The following GLIPR1L1 variants were observed in gnomAD, a reference collection of about 807,000 sequenced individuals.
GLIPR1L1 encodes the protein GLIPR1-like protein 1.
In GLIPR1L1, 26 loss-of-function variants were observed where a neutral mutation model predicts 29.9. The ratio of observed to expected loss-of-function variants is 0.87; its 90% CI spans 0.64 to 1.21. GLIPR1L1 has a LOEUF of 1.21. Among genes scored for constraint, GLIPR1L1 ranks in the 50% most tolerant of loss-of-function variants. The pLI, the probability that GLIPR1L1 is intolerant of heterozygous loss-of-function variation, is 0.00. For synonymous variants in GLIPR1L1, 77 were observed against 97.5 expected (o/e 0.79, Z 1.24); for missense variants, 305 against 290.3 (o/e 1.05, Z -0.37).
Position 75,350,980 on chromosome 12 carries a change from T to C in GLIPR1L1, c.521+3258T>C, listed in dbSNP as rs544819670. Among the ~76,000 whole-genome samples, 23 of 152,286 alleles carry C rather than the reference T, an allele frequency of 1.5e-4. No individual in the cohort carries two copies. The South Asian group carries it at 4.6e-3, about 30-fold the overall frequency. ...ATATTACAGGAGCTGTTAACCAGAA[T>C]AACCAGTTTAGAGAGGAACATAAAT... On this transcript the variant is annotated intron_variant, in intron 3 of 5. Coordinates refer to ENST00000378695, the MANE Select transcript of GLIPR1L1 (RefSeq NM_001304964.2).
intron 4 of GLIPR1L1, among the ~76,000 whole-genome samples, chr12:75,367,457 C>T (rs911655637): frequency 6.6e-6 from 1 of 151,984 alleles, no homozygotes; most frequent in Non-Finnish European, 1.5e-5. Context: ...CGAATACACA[C>T]ATTAGCCTAG....
intron 2 of GLIPR1L1, among the ~76,000 whole-genome samples, chr12:75,344,910 A>G (rs1593699133): frequency 6.6e-6 from 1 of 152,134 alleles, no homozygotes; most frequent in African/African-American, 2.4e-5. Context: ...TAATACCCTG[A>G]GAATTATGAA....
rs1466575794 is a variant in GLIPR1L1 at position 75,370,279 on chromosome 12, A to C, written c.*103A>C. The C allele has an allele frequency of 1.4e-5, 9 of 626,888 alleles. No individual in the cohort carries two copies. Among genetic ancestry groups the C allele is most frequent in the Non-Finnish European group, 2.2e-5 (8 of 357,292 alleles). The allele number at this position is 626,888 out of a possible 1,614,324, so 38.8% of individuals were successfully genotyped here. ...TTTGCTTCTTTACTGAATCTTCTACACTCTTGCCTGATACCTAAATTTAAT... is the reference window on the plus strand; with the variant it reads ...TTTGCTTCTTTACTGAATCTTCTACCCTCTTGCCTGATACCTAAATTTAAT... On this transcript the variant is annotated 3_prime_UTR_variant, in exon 6 of 6. Coordinates refer to ENST00000378695, the MANE Select transcript of GLIPR1L1 (RefSeq NM_001304964.2).
In GLIPR1L1 at chr12:75,347,649, G is replaced by T; in HGVS notation, c.448G>T (p.Gly150Cys). 6.2e-7 allele frequency: 1 copy of T among 1,607,766 alleles called. No individual in the cohort carries two copies. Among genetic ancestry groups the T allele is most frequent in the Non-Finnish European group, 8.5e-7 (1 of 1,176,048 alleles). The change falls in exon 3 of 6, where the codon GGT becomes TGT. Residue 150 changes from glycine to cysteine, a missense_variant. Physicochemically the swap from Gly to Cys is radical, Grantham distance 159. Coordinates refer to ENST00000378695, the MANE Select transcript of GLIPR1L1 (RefSeq NM_001304964.2). ...QLVWANSFYV[G>C]CAVAMCPNLG... ...AGTTTGGGCCAATTCATTTTATGTC[G>T]GTTGTGCAGTTGCAATGTGTCCTAA... is the stretch of plus-strand genomic sequence containing the variant.
At chr12:75,351,932 AT>A (rs892085533) in intron 3 of GLIPR1L1, among the ~76,000 whole-genome samples, 2 of 151,966 alleles carry the variant, frequency 1.3e-5, no homozygotes, top group African/African-American at 4.8e-5. Flanking sequence ...GAGAAATGAG[AT>A]TTTTTTTCAG....
In GLIPR1L1 at chr12:75,363,117, T is replaced by G; in HGVS notation, c.537T>G (p.Asn179Lys). ...TTTTTTACAGAGGAAATTTTGCAAA[T>G]ATGCCTCCTTACGTAAGAGGAGAAT... is the stretch of plus-strand genomic sequence containing the variant. ...CNYGPAGNFANMPPYVRGESC... is the reference protein window; with the variant it reads ...CNYGPAGNFAKMPPYVRGESC... The change falls in exon 4 of 6, where the codon AAT (asparagine) becomes AAG (lysine). Residue 179 changes from asparagine (N) to lysine (K), a missense_variant. Transcript: ENST00000378695. The G allele has an allele frequency of 6.4e-7, 1 of 1,554,436 alleles. No individual in the cohort carries two copies. The highest frequency in any genetic ancestry group is 8.7e-7 in the Non-Finnish European group (1 of 1,155,980).
At chr12:75,344,508 T>C (rs921811872) in intron 2 of GLIPR1L1, among the ~76,000 whole-genome samples, 3 of 152,132 alleles carry the variant, frequency 2.0e-5, no homozygotes, top group Non-Finnish European at 2.9e-5. Context: ...CCTAATATGT[T>C]TTCTCTTTCA....
In GLIPR1L1 at chr12:75,343,730, G is replaced by A. The variant is rs79530186; in HGVS notation, c.212G>A (p.Trp71Ter). The part of the protein sequence containing the change: ...DKGLAKMAKA[W>*]ANQCKFEHND... ...GGTTTAGCAAAGATGGCTAAAGCAT[G>A]GGCAAACCAGTGCAAATTTGAACAT... The change falls in exon 2 of 6, where the codon TGG (tryptophan) becomes TAG (stop). Residue 71 changes from tryptophan (W) to a stop codon, truncating the protein, a stop_gained. Coordinates refer to ENST00000378695, the MANE Select transcript of GLIPR1L1 (RefSeq NM_001304964.2). LOFTEE classifies it high-confidence loss of function. The A allele has an allele frequency of 6.2e-7, 1 of 1,612,166 alleles. No individual in the cohort carries two copies. Among genetic ancestry groups the A allele is most frequent in the Non-Finnish European group, 8.5e-7 (1 of 1,178,586 alleles).
chr12:75,348,163 T>C (rs1389083672), intron 3 of GLIPR1L1, among the ~76,000 whole-genome samples: 3 of 152,104 alleles, frequency 2.0e-5, no homozygotes, highest in Non-Finnish European at 4.4e-5. Flanking sequence ...CATATCTAAA[T>C]GAAAATATAG....
chr12:75,361,267 A>G (rs1284565300), intron 3 of GLIPR1L1, among the ~76,000 whole-genome samples: 1 of 152,176 alleles, frequency 6.6e-6, no homozygotes, highest in Non-Finnish European at 1.5e-5. Flanking sequence ...CAGTGTAGAA[A>G]ACTAATTAGG....
Position 75,343,880 on chromosome 12 carries a change from C to T in GLIPR1L1, c.362C>T (p.Thr121Ile), listed in dbSNP as rs1288478569. The T allele has an allele frequency of 6.2e-7, 1 of 1,611,688 alleles. No homozygotes were observed. The highest frequency in any genetic ancestry group is 8.5e-7 in the Non-Finnish European group (1 of 1,178,268). Residue 121 changes from threonine (T) to isoleucine (I), a missense_variant, in exon 2 of 6, where the codon ACC (threonine) becomes ATC (isoleucine). Coordinates refer to ENST00000378695, the MANE Select transcript of GLIPR1L1 (RefSeq NM_001304964.2). Reference sequence around the variant, plus strand: ...GCCATTACGGCTTGGTATAATGAAACCCAATTTTATGATTTTGATAGTCTA... The same window carrying T: ...GCCATTACGGCTTGGTATAATGAAATCCAATTTTATGATTTTGATAGTCTA... ...RHAITAWYNE[T>I]QFYDFDSLSC...
intron 1 of GLIPR1L1, among the ~76,000 whole-genome samples, chr12:75,340,292 G>A (rs1446656986): frequency 2.0e-5 from 3 of 151,662 alleles, no homozygotes; most frequent in Non-Finnish European, 2.9e-5. Context: ...TTCAAAAAAC[G>A]ACGTATTTTC....
chr12:75,358,324 C>A (rs2043289686), intron 3 of GLIPR1L1, among the ~76,000 whole-genome samples: 1 of 151,662 alleles, frequency 6.6e-6, no homozygotes, highest in African/African-American at 2.4e-5. Context: ...ACAAAAAAAT[C>A]TAAACAAAAT....
chr12:75,349,833 G>GA (rs921565696), intron 3 of GLIPR1L1, among the ~76,000 whole-genome samples: 10 of 151,916 alleles, frequency 6.6e-5, no homozygotes, highest in Non-Finnish European at 1.0e-4. Context: ...AAAAAGAAAA[G>GA]AAAAAAATTA....
At chr12:75,351,695 C>T (rs2042827188) in intron 3 of GLIPR1L1, among the ~76,000 whole-genome samples, 1 of 151,930 alleles carries the variant, frequency 6.6e-6, no homozygotes, top group South Asian at 2.1e-4. Flanking sequence ...TAGAGGCGCT[C>T]CCCACCACAC....
intron 4 of GLIPR1L1, among the ~76,000 whole-genome samples, chr12:75,364,480 G>A (rs1202323101): frequency 6.6e-6 from 1 of 152,200 alleles, no homozygotes; most frequent in Non-Finnish European, 1.5e-5. Context: ...AACCCCTATT[G>A]CCAAGGGACC....
At position 75,352,055 on chromosome 12, in the gene GLIPR1L1, G is replaced by A. The variant is rs183747820; in HGVS notation, c.521+4333G>A. Among the ~76,000 whole-genome samples the A allele has an allele frequency of 3.9e-5, 6 of 152,232 alleles. 1 individual carries two copies. The highest frequency in any genetic ancestry group is 7.4e-5 in the Non-Finnish European group (5 of 68,014). ...GGTTACCAGTCACTACAAAAAACAT[G>A]CTGAAGTACACAAACCAACAACACT... On this transcript the variant is annotated intron_variant, in intron 3 of 5. Transcript: ENST00000378695.
At chr12:75,352,957 G>C (rs566490016) in intron 3 of GLIPR1L1, among the ~76,000 whole-genome samples, 2 of 152,124 alleles carry the variant, frequency 1.3e-5, no homozygotes, top group Non-Finnish European at 2.9e-5. Context: ...TAAGAACAAC[G>C]ATATAACACA....
At chr12:75,337,536 A>C (rs2041820575) in intron 1 of GLIPR1L1, among the ~76,000 whole-genome samples, 1 of 151,970 alleles carries the variant, frequency 6.6e-6, no homozygotes, top group Non-Finnish European at 1.5e-5. Flanking sequence ...ATTTTATAAA[A>C]TTGACACAAT....
Sources: gnomAD v4.1 joint callset for allele counts (sites outside exome capture counted in the v4.1 genomes callset) on GRCh38, gnomAD v4.1.1 for gene constraint, MANE v1.5 for transcripts, NCBI Gene and HGNC (gene_info 2026-07-23, HGNC 2026-07-21) for gene names.